Variants in GYS2 observed in about 807,000 individuals in gnomAD.
The protein encoded by GYS2 is glycogen [starch] synthase, liver.
A neutral mutation model predicts 85.6 loss-of-function variants in GYS2; 80 were observed. The ratio of observed to expected loss-of-function variants is 0.93; its 90% confidence interval spans 0.78 to 1.13. GYS2 has a LOEUF of 1.13. Among genes scored for constraint, GYS2 ranks in the 50% most tolerant of loss-of-function variants. The probability of loss-of-function intolerance (pLI) is 0.00; values close to 1 mark genes in which losing one functional copy is unlikely to be tolerated. For missense variants in GYS2, 881 were observed against 854.9 expected (o/e 1.03, Z -0.38); for synonymous variants, 328 against 300.7 (o/e 1.09, Z -0.94).
rs143894309 is a variant in GYS2 at position 21,542,523 on chromosome 12, C to T, written c.1618G>A (p.Glu540Lys). 5.6e-6 allele frequency: 9 copies of T among 1,613,064 alleles called. No individual in the cohort carries two copies. The African/African-American group carries it at 6.7e-5, about 12-fold the overall frequency. ...TAAGCAGTAGGATCAGCCACGTGCT[C>T]CTGCATGAAACAGCCAAACCCGGAG... ...NLSGFGCFMQ[E>K]HVADPTAYGI... Residue 540 changes from glutamate (E) to lysine (K), a missense_variant, in exon 13 of 16, where the codon GAG becomes AAG. Coordinates refer to ENST00000261195, the MANE Select transcript of GYS2 (RefSeq NM_021957.4).
chr12:21,540,279 G>T, intron 14 of GYS2, 131 bp downstream of exon 14: 1 of 861,000 alleles, frequency 1.2e-6, no homozygotes. Context: ...ATTTTAAAAA[G>T]TACATGGAGA....
chr12:21,533,100 C>T (rs994251357), downstream of GYS2, among the ~76,000 whole-genome samples: 25 of 149,858 alleles, frequency 1.7e-4, no homozygotes, highest in African/African-American at 5.7e-4. Flanking sequence ...CTTCAACACA[C>T]AGATACATGC....
At chr12:21,593,887 A>G (rs1008637742) in intron 1 of GYS2, among the ~76,000 whole-genome samples, 2 of 152,196 alleles carry the variant, frequency 1.3e-5, no homozygotes, top group East Asian at 3.9e-4. Flanking sequence ...AACTGAATCC[A>G]ACAGTACATC....
At chr12:21,564,764 C>T (rs1157994597) in intron 5 of GYS2, among the ~76,000 whole-genome samples, 1 of 152,056 alleles carries the variant, frequency 6.6e-6, no homozygotes, top group Non-Finnish European at 1.5e-5. Context: ...TGTGCCAGGC[C>T]CTATTATATT....
intron 15 of GYS2, among the ~76,000 whole-genome samples, chr12:21,538,589 C>G (rs561004487): frequency 1.3e-5 from 2 of 152,250 alleles, no homozygotes; most frequent in African/African-American, 4.8e-5. Context: ...TGGGTCTTAT[C>G]TTCTTGCACC....
intron 3 of GYS2, among the ~76,000 whole-genome samples, chr12:21,575,480 T>C (rs1944434129): frequency 6.6e-6 from 1 of 152,162 alleles, no homozygotes; most frequent in African/African-American, 2.4e-5. Context: ...GGTTATCACA[T>C]GTAGTGTACA....
At chr12:21,584,891 T>C (rs1944555746) in intron 1 of GYS2, among the ~76,000 whole-genome samples, 1 of 152,234 alleles carries the variant, frequency 6.6e-6, no homozygotes, top group Non-Finnish European at 1.5e-5. Flanking sequence ...AGTGTGACAG[T>C]GGGCTCATGC....
At chr12:21,564,436 A>G (rs147304340) in intron 5 of GYS2, among the ~76,000 whole-genome samples, 1 of 11,588 alleles carries the variant, frequency 8.6e-5, no homozygotes, top group Non-Finnish European at 2.5e-4. Context: ...ATCTCAAAAG[A>G]AAAAAAAAAA....
At chr12:21,576,180 A>G in intron 2 of GYS2, 123 bp from the exon 3 acceptor site, 1 of 779,300 alleles carries the variant, frequency 1.3e-6, no homozygotes, top group Non-Finnish European at 2.2e-6. Flanking sequence ...AGCTACTTAG[A>G]AAAGAATATT....
intron 5 of GYS2, among the ~76,000 whole-genome samples, chr12:21,568,615 C>G (rs1472954117): frequency 6.6e-6 from 1 of 152,128 alleles, no homozygotes; most frequent in Non-Finnish European, 1.5e-5. Flanking sequence ...CCAGGTCATA[C>G]CAAGGTTATT....
At chr12:21,562,432 T>C (rs1944264983) in intron 7 of GYS2, among the ~76,000 whole-genome samples, 1 of 152,142 alleles carries the variant, frequency 6.6e-6, no homozygotes, top group African/African-American at 2.4e-5. Flanking sequence ...GAGCTTCCTA[T>C]GATTAAATGG....
rs370671959 is a variant in GYS2, at chr12:21,578,166, A to G, written c.304-2109T>C. ...TGTCACTGTGTTTCTGCCAGTGTAT[A>G]TATTCTTTCTTTCTCCCCTTTAAGA... On this transcript the variant is annotated intron_variant, in intron 2 of 15. Coordinates refer to ENST00000261195, the MANE Select transcript of GYS2 (RefSeq NM_021957.4). Among the ~76,000 whole-genome samples the G allele has an allele frequency of 2.6e-5, 4 of 152,202 alleles. No homozygotes were observed. The East Asian group carries it at 7.7e-4, about 29-fold the overall frequency.
rs992007117 is a variant in GYS2, at chr12:21,600,705, G to A, written c.121+3767C>T. On this transcript the variant is annotated intron_variant, in intron 1 of 15. Coordinates refer to ENST00000261195, the MANE Select transcript of GYS2 (RefSeq NM_021957.4). ...CTCAGAGAAAAGTACTTCTATATAC[G>A]TGCACCTAATTTTTAGATATAATTT... Among the ~76,000 whole-genome samples, 11 of 152,186 alleles carry A rather than the reference G, an allele frequency of 7.2e-5. No individual in the cohort carries two copies. In the South Asian group the frequency reaches 1.0e-3, roughly 14 times the overall value.
chr12:21,559,983 G>T (rs1023168853), intron 8 of GYS2, among the ~76,000 whole-genome samples: 1 of 152,166 alleles, frequency 6.6e-6, no homozygotes, highest in Non-Finnish European at 1.5e-5. Flanking sequence ...AGAGCAGAGA[G>T]GGGGAGTAGA....
At chr12:21,576,691 C>G (rs1373622258) in intron 2 of GYS2, among the ~76,000 whole-genome samples, 1 of 152,048 alleles carries the variant, frequency 6.6e-6, no homozygotes, top group East Asian at 1.9e-4. Context: ...GACGTTGATT[C>G]CTAAATGTTT....
chr12:21,604,683 G>A lies in GYS2; in HGVS notation c.-91C>T. On this transcript the variant is annotated 5_prime_UTR_variant, in exon 1 of 16. Coordinates refer to ENST00000261195, the MANE Select transcript of GYS2 (RefSeq NM_021957.4). ...AGAACTTACAGGCACAAAAGTTAGA[G>A]TTGGTAGAGTTACCAGGCTTTGGTA... is the stretch of plus-strand genomic sequence containing the variant. The A allele has an allele frequency of 3.1e-6, 5 of 1,593,044 alleles. No homozygotes were observed. Among genetic ancestry groups the A allele is most frequent in the South Asian group, 2.2e-5 (2 of 89,434 alleles).
chr12:21,567,588 A>C (rs946196070), intron 5 of GYS2, among the ~76,000 whole-genome samples: 5 of 146,654 alleles, frequency 3.4e-5, no homozygotes, highest in Admixed American at 2.7e-4. Flanking sequence ...ACATTCTGCT[A>C]TCTGAAAGAA....
intron 1 of GYS2, among the ~76,000 whole-genome samples, chr12:21,600,105 T>C (rs560420679): frequency 1.3e-5 from 2 of 152,234 alleles, no homozygotes; most frequent in South Asian, 2.1e-4. Flanking sequence ...GAGCAACAAA[T>C]TGATGGATCT....
In GYS2 at chr12:21,540,414, C is replaced by G; in HGVS notation, c.1805G>C (p.Gly602Ala). The change falls in exon 14 of 16, where the codon GGC becomes GCC. Residue 602 changes from glycine to alanine, a missense_variant. Physicochemically the swap from Gly to Ala is moderately conservative, Grantham distance 60. Transcript: ENST00000261195. The part of the protein sequence containing the change: ...LSDLLDWRYL[G>A]RYYQHARHLT... Reference sequence around the variant, plus strand: ...TGTTTATCTAAACTTGCTTACTCTGCCTAAGTATCTCCAATCCAGAAGATC... The same window carrying G: ...TGTTTATCTAAACTTGCTTACTCTGGCTAAGTATCTCCAATCCAGAAGATC... 2 of 1,613,880 alleles carry G rather than the reference C, an allele frequency of 1.2e-6. No individual in the cohort carries two copies. The highest frequency in any genetic ancestry group is 1.7e-6 in the Non-Finnish European group (2 of 1,179,782).
Sources: gnomAD v4.1 joint callset for allele counts (sites outside exome capture counted in the v4.1 genomes callset) on GRCh38, gnomAD v4.1.1 for gene constraint, MANE v1.5 for transcripts, NCBI Gene and HGNC (gene_info 2026-07-23, HGNC 2026-07-21) for gene names.